Variants in CEP85 observed in about 807,000 individuals in gnomAD.
The protein encoded by CEP85 is centrosomal protein 85.
Under a neutral mutation model 93.7 loss-of-function variants are expected in CEP85, and 58 were observed. That is an observed-to-expected ratio of 0.62 (90% CI 0.50 to 0.77). The LOEUF (loss-of-function observed/expected upper bound fraction) is 0.77. CEP85 is among the 30% of genes least tolerant of loss of function. The pLI is 0.00. For synonymous variants in CEP85, 314 were observed against 338.6 expected, an observed-to-expected ratio of 0.93 and a Z score of 0.80; for missense variants, 868 against 922.0, an observed-to-expected ratio of 0.94 and a Z score of 0.76.
rs2124605839 is a variant in CEP85, at chr1:26,269,453, C to G, written c.1495-7C>G. 1 of 1,613,108 alleles carries G rather than the reference C, an allele frequency of 6.2e-7. No homozygotes were observed. The highest frequency in any genetic ancestry group is 8.5e-7 in the Non-Finnish European group (1 of 1,179,266). ...ATTTGACCTAAACATGGGATCCTGT[C>G]TCTCAGCTTAAGGATTCTGAGTTGA... is the stretch of plus-strand genomic sequence containing the variant. On this transcript the variant is annotated splice_polypyrimidine_tract_variant and splice_region_variant and intron_variant, in intron 8 of 13. Transcript: ENST00000451429.
At chr1:26,234,677 A>G (rs2089296712) in intron 1 of CEP85, among the ~76,000 whole-genome samples, 5 of 152,326 alleles carry the variant, frequency 3.3e-5, no homozygotes, top group East Asian at 1.9e-4. Context: ...GTGAGGGTAG[A>G]GTGGAGAAAT....
intron 3 of CEP85, among the ~76,000 whole-genome samples, chr1:26,250,533 G>A (rs2089589392): frequency 6.6e-6 from 1 of 152,224 alleles, no homozygotes; most frequent in Admixed American, 6.5e-5. Flanking sequence ...AGCACAGTTA[G>A]TCTGAATCAG....
In CEP85 at chr1:26,277,174, G is replaced by C; in HGVS notation, c.2167G>C (p.Asp723His). Residue 723 changes from aspartate to histidine, a missense_variant, in exon 14 of 14, where the codon GAT becomes CAT. By Grantham distance (81) the Asp-to-His change is moderately conservative. Transcript: ENST00000451429. The part of the protein sequence containing the change: ...PETQLDLQKP[D>H]VIKRKLEEVQ... ...GACTCAGCTAGATTTGCAGAAGCCAGATGTGATCAAGAGGAAACTAGAAGA... is the reference window on the plus strand; with the variant it reads ...GACTCAGCTAGATTTGCAGAAGCCACATGTGATCAAGAGGAAACTAGAAGA... The C allele has an allele frequency of 1.2e-6, 2 of 1,614,188 alleles. No individual in the cohort carries two copies. Among genetic ancestry groups the C allele is most frequent in the Middle Eastern group, 3.3e-4 (2 of 6,062 alleles).
In CEP85 at chr1:26,277,214, G is replaced by A. The variant is rs764146613; in HGVS notation, c.2207G>A (p.Arg736His). 24 of 1,613,992 alleles carry A rather than the reference G, an allele frequency of 1.5e-5. No individual in the cohort carries two copies. Among genetic ancestry groups the A allele is most frequent in the Admixed American group, 3.3e-5 (2 of 60,010 alleles). Reference sequence around the variant, plus strand: ...AAACTAGAAGAGGTTCAACAGCTGCGTCGTGACATTGAGGACTTAAGGACC... The same window carrying A: ...AAACTAGAAGAGGTTCAACAGCTGCATCGTGACATTGAGGACTTAAGGACC... ...KRKLEEVQQL[R>H]RDIEDLRTTM... is the part of the protein sequence containing the mutation. Residue 736 changes from arginine to histidine, a missense_variant, in exon 14 of 14, where the codon CGT (arginine) becomes CAT (histidine). Physicochemically the swap from Arg to His is conservative, Grantham distance 29. Transcript: ENST00000451429.
intron 3 of CEP85, 95 bp from the exon 4 acceptor site, chr1:26,255,076 G>A: frequency 2.1e-6 from 2 of 974,108 alleles, no homozygotes; most frequent in South Asian, 3.0e-5. Flanking sequence ...TCTCTGCTTG[G>A]TCTCAGGACA....
chr1:26,247,365 A>G (rs893638298), intron 3 of CEP85, among the ~76,000 whole-genome samples: 10 of 152,058 alleles, frequency 6.6e-5, no homozygotes, highest in Admixed American at 5.9e-4. Flanking sequence ...TGTGAATTGT[A>G]TTTCAATAAA....
intron 8 of CEP85, among the ~76,000 whole-genome samples, chr1:26,269,066 T>C (rs1474783294): frequency 1.3e-5 from 2 of 152,208 alleles, no homozygotes; most frequent in Non-Finnish European, 2.9e-5. Context: ...CCTGGTCACC[T>C]GCTCTGACCT....
intron 11 of CEP85, among the ~76,000 whole-genome samples, chr1:26,273,815 T>A (rs1456707068): frequency 2.6e-5 from 4 of 151,824 alleles, no homozygotes; most frequent in Non-Finnish European, 5.9e-5. Flanking sequence ...GAGAATTGTT[T>A]GAACCTGGGA....
chr1:26,270,857 G>A (rs1234326799), intron 9 of CEP85, among the ~76,000 whole-genome samples, 157 bp from the exon 10 acceptor site: 2 of 152,202 alleles, frequency 1.3e-5, no homozygotes, highest in East Asian at 3.8e-4. Flanking sequence ...AGCAGCTTTT[G>A]TGTGGCACCC....
At chr1:26,250,922 T>A (rs1199440809) in intron 3 of CEP85, among the ~76,000 whole-genome samples, 1 of 20,890 alleles carries the variant, frequency 4.8e-5, no homozygotes, top group Non-Finnish European at 1.3e-4. Flanking sequence ...GCCTTTTTTT[T>A]TTCTTTTTTC....
rs147784003 is a variant in CEP85, at chr1:26,257,584, A to G, written c.904-13A>G. The G allele has an allele frequency of 2.8e-5, 45 of 1,613,920 alleles. No individual in the cohort carries two copies. Among genetic ancestry groups the G allele is most frequent in the Middle Eastern group, 3.4e-4 (2 of 5,914 alleles). ...GTCAAGATCAAGCTCATCTGGGCCT[A>G]CTTGCCTTTCAGCTTCAGAATGGAG... On this transcript the variant is annotated splice_polypyrimidine_tract_variant and intron_variant, in intron 4 of 13. Coordinates refer to ENST00000451429, the MANE Select transcript of CEP85 (RefSeq NM_001319944.2).
At chr1:26,244,601 G>T (rs72888546) in intron 3 of CEP85, among the ~76,000 whole-genome samples, 2 of 151,886 alleles carry the variant, frequency 1.3e-5, no homozygotes, top group Non-Finnish European at 2.9e-5. Context: ...ATCATAGCTC[G>T]CTGCAGCCTC....
Position 26,239,835 on chromosome 1 carries a change from C to T in CEP85, c.52C>T (p.Pro18Ser), listed in dbSNP as rs1280678547. Residue 18 changes from proline to serine, a missense_variant, in exon 2 of 14, where the codon CCG becomes TCG. Physicochemically the swap from Pro to Ser is moderately conservative, Grantham distance 74 (BLOSUM62 -1). Coordinates refer to ENST00000451429, the MANE Select transcript of CEP85 (RefSeq NM_001319944.2). ...PTEGISHVTS[P>S]SSDVIQKGSS... ...TGAGGGGATCTCTCACGTCACTTCACCGAGTGAGTAGTCAGAAGTTTTCTG... is the reference window on the plus strand; with the variant it reads ...TGAGGGGATCTCTCACGTCACTTCATCGAGTGAGTAGTCAGAAGTTTTCTG... 6.2e-7 allele frequency: 1 copy of T among 1,611,102 alleles called. No homozygotes were observed. The highest frequency in any genetic ancestry group is 2.2e-5 in the East Asian group (1 of 44,868).
At chr1:26,272,767 T>C (rs2089997147) in intron 11 of CEP85, among the ~76,000 whole-genome samples, 1 of 151,952 alleles carries the variant, frequency 6.6e-6, no homozygotes, top group East Asian at 1.9e-4. Flanking sequence ...TAGCTGGTAT[T>C]ACGGGTGCCC....
chr1:26,268,777 C>T (rs567541341), intron 8 of CEP85, 142 bp downstream of exon 8: 3 of 907,702 alleles, frequency 3.3e-6, no homozygotes, highest in Admixed American at 6.9e-5. Flanking sequence ...TCATAATTGT[C>T]AGATTTGTAA....
chr1:26,272,397 A>G (rs2089988350), intron 11 of CEP85: 2 of 321,946 alleles, frequency 6.2e-6, no homozygotes, highest in Middle Eastern at 9.4e-4. Context: ...GGAGCTGGAT[A>G]GGATGTGTTG....
intron 3 of CEP85, among the ~76,000 whole-genome samples, chr1:26,250,429 C>A (rs1159574872): frequency 2.0e-5 from 3 of 152,162 alleles, no homozygotes; most frequent in Admixed American, 2.0e-4. Context: ...TGAAACCATC[C>A]CCCCAACCAT....
intron 7 of CEP85, among the ~76,000 whole-genome samples, chr1:26,260,314 A>G (rs1421813416): frequency 6.6e-6 from 1 of 152,108 alleles, no homozygotes; most frequent in African/African-American, 2.4e-5. Flanking sequence ...AACATGGTGA[A>G]ACCCCGTCTC....
intron 3 of CEP85, among the ~76,000 whole-genome samples, chr1:26,249,175 G>A (rs565077219): frequency 1.8e-4 from 27 of 152,262 alleles, no homozygotes; most frequent in African/African-American, 5.5e-4. Context: ...TCCGCCTCCC[G>A]GGTTCAAGCG....
Sources: allele counts gnomAD v4.1 joint callset (sites outside exome capture counted in the v4.1 genomes callset), GRCh38; gene constraint gnomAD v4.1.1; transcripts MANE v1.5; gene names NCBI Gene and HGNC (gene_info 2026-07-23, HGNC 2026-07-21).